Variants in RBFOX1 observed in about 807,000 individuals in gnomAD.
RBFOX1 encodes RNA binding protein fox-1 homolog 1.
Under a neutral mutation model 57.7 loss-of-function variants are expected in RBFOX1, and 8 were observed. The ratio of observed to expected loss-of-function variants is 0.14; its 90% CI spans 0.08 to 0.25. RBFOX1 has a LOEUF of 0.25. RBFOX1 is among the 10% of genes least tolerant of loss of function. The pLI is 1.00. For missense variants in RBFOX1, 611 were observed against 548.5 expected, an observed-to-expected ratio of 1.11 and a Z score of -1.14; for synonymous variants, 326 against 222.4, an observed-to-expected ratio of 1.47 and a Z score of -4.15.
rs150789227 is a variant in RBFOX1 at position 7,464,131 on chromosome 16, A to G, written c.28-54016A>G. Among the ~76,000 whole-genome samples, 47 of 152,220 alleles carry G rather than the reference A, an allele frequency of 3.1e-4. 1 individual carries two copies. The East Asian group carries it at 7.0e-3, about 23-fold the overall frequency. ...CATTGCCACTCCCTTCTGGTGCTCA[A>G]TGGCTCTGATTTCCTTAAGATAGGG... On this transcript the variant is annotated intron_variant, in intron 4 of 15. Transcript: ENST00000550418.
At chr16:6,846,467 C>T (rs1176767850) in intron 3 of RBFOX1, among the ~76,000 whole-genome samples, 2 of 152,112 alleles carry the variant, frequency 1.3e-5, no homozygotes, top group East Asian at 3.9e-4. Context: ...ACACCTGGGT[C>T]ATAATGAGGG....
At position 5,743,360 on chromosome 16, in the gene RBFOX1, T is replaced by C. The variant is rs563117045; in HGVS notation, c.319-123943T>C. On this transcript the variant is annotated intron_variant, in intron 3 of 19. Transcript: ENST00000641259. Reference sequence around the variant, plus strand: ...TCATTACAGGAAGTGTCAGCTAGAATCAGACATATCAGAGTTCTCTTAAAC... The same window carrying C: ...TCATTACAGGAAGTGTCAGCTAGAACCAGACATATCAGAGTTCTCTTAAAC... Among the ~76,000 whole-genome samples, 8 of 152,276 alleles carry C rather than the reference T, an allele frequency of 5.3e-5. No homozygotes were observed. The South Asian group carries it at 1.5e-3, about 28-fold the overall frequency.
At chr16:6,842,230 A>G (rs117108869) in intron 3 of RBFOX1, among the ~76,000 whole-genome samples, 1,599 of 152,254 alleles carry the variant, frequency 0.011, 14 homozygotes, top group Middle Eastern at 0.017. Flanking sequence ...TCTCAGCTGA[A>G]TAATACCTCT....
chr16:6,015,185 G>T (rs1567260023), upstream of RBFOX1, among the ~76,000 whole-genome samples: 1 of 151,996 alleles, frequency 6.6e-6, no homozygotes, highest in Admixed American at 6.6e-5. Flanking sequence ...TTAGATCTTA[G>T]ATTTTTTTAG....
chr16:6,459,032 G>C (rs2094843835), intron 2 of RBFOX1, among the ~76,000 whole-genome samples: 1 of 152,214 alleles, frequency 6.6e-6, no homozygotes, highest in African/African-American at 2.4e-5. Context: ...GGAAATTGAA[G>C]TTTTGAAATC....
intron 2 of RBFOX1, among the ~76,000 whole-genome samples, chr16:5,564,932 C>A (rs1276550932): frequency 6.6e-6 from 1 of 152,130 alleles, no homozygotes; most frequent in Non-Finnish European, 1.5e-5. Flanking sequence ...GCCTTGGCAG[C>A]CACGTGTAGT....
chr16:6,169,669 A>G (rs1351161684), intron 1 of RBFOX1, among the ~76,000 whole-genome samples: 1 of 152,240 alleles, frequency 6.6e-6, no homozygotes, highest in Non-Finnish European at 1.5e-5. Flanking sequence ...ATTTGAACAT[A>G]GTTTCAACAC....
chr16:7,008,129 G>GA lies in RBFOX1; in HGVS notation c.-15-43921dup, dbSNP rs1168029848. 5.9e-5 allele frequency among the ~76,000 whole-genome samples: 9 copies of GA among 152,144 alleles called. No homozygotes were observed. In the South Asian group the frequency reaches 1.7e-3, roughly 28 times the overall value. ...ATTGTTTCATGTACAAGTTCTCACT[G>GA]AAAAAAATATATATCCACAGCATAA... is the stretch of plus-strand genomic sequence containing the variant. On this transcript the variant is annotated intron_variant, in intron 3 of 15. Transcript: ENST00000550418.
chr16:6,671,932 A>C (rs749379302), intron 3 of RBFOX1, among the ~76,000 whole-genome samples: 2 of 152,240 alleles, frequency 1.3e-5, no homozygotes, highest in African/African-American at 4.8e-5. Flanking sequence ...AACTGTTGCG[A>C]CTACTAAGTA....
chr16:7,015,042 C>A (rs985402352), intron 3 of RBFOX1, among the ~76,000 whole-genome samples: 1 of 152,178 alleles, frequency 6.6e-6, no homozygotes, highest in Non-Finnish European at 1.5e-5. Context: ...AGGTTCTATG[C>A]TTCCTGAATG....
At chr16:6,649,055 C>T (rs1187120963) in intron 2 of RBFOX1, among the ~76,000 whole-genome samples, 1 of 152,088 alleles carries the variant, frequency 6.6e-6, no homozygotes, top group Non-Finnish European at 1.5e-5. Context: ...TAACTTATTC[C>T]TCCTGTCTCA....
At chr16:5,410,524 A>T (rs1368667483) in intron 1 of RBFOX1, among the ~76,000 whole-genome samples, 2 of 152,204 alleles carry the variant, frequency 1.3e-5, no homozygotes, top group South Asian at 4.1e-4. Context: ...TTGTAAAGTA[A>T]CTGGAATGGC....
intron 2 of RBFOX1, among the ~76,000 whole-genome samples, chr16:6,367,112 G>A (rs968220407): frequency 7.9e-5 from 12 of 152,256 alleles, no homozygotes; most frequent in African/African-American, 2.6e-4. Context: ...GTTCCACCTC[G>A]ATGCAGGTGA....
intron 2 of RBFOX1, among the ~76,000 whole-genome samples, chr16:6,507,822 GGGGGAAT>G (rs1191276235): frequency 5.3e-5 from 8 of 152,060 alleles, no homozygotes; most frequent in South Asian, 4.2e-4. Context: ...CTAGAAGGAG[GGGGGAAT>G]GGGGAATGGG....
chr16:6,995,033 G>T (rs1055727408), intron 3 of RBFOX1, among the ~76,000 whole-genome samples: 3 of 150,708 alleles, frequency 2.0e-5, no homozygotes, highest in African/African-American at 7.3e-5. Flanking sequence ...ATATGTGCCA[G>T]GTATTAGGCT....
At chr16:5,398,766 A>T (rs1467083868) in intron 1 of RBFOX1, among the ~76,000 whole-genome samples, 1 of 152,076 alleles carries the variant, frequency 6.6e-6, no homozygotes, top group East Asian at 1.9e-4. Context: ...GCGAGGGAAG[A>T]TATTTGGGAC....
At chr16:7,344,169 A>G (rs1298792717) in intron 4 of RBFOX1, among the ~76,000 whole-genome samples, 2 of 147,136 alleles carry the variant, frequency 1.4e-5, no homozygotes, top group African/African-American at 2.5e-5. Context: ...CTTCGGTAAA[A>G]TGGCCCATAT....
At chr16:7,575,634 C>T (rs1054315065) in intron 5 of RBFOX1, among the ~76,000 whole-genome samples, 1 of 152,090 alleles carries the variant, frequency 6.6e-6, no homozygotes, top group Non-Finnish European at 1.5e-5. Context: ...CTCCTGGCAC[C>T]TTGATTTTAG....
chr16:7,384,616 C>G (rs143044271), intron 4 of RBFOX1, among the ~76,000 whole-genome samples: 1 of 152,120 alleles, frequency 6.6e-6, no homozygotes, highest in Non-Finnish European at 1.5e-5. Flanking sequence ...ATGGAGTGAA[C>G]AGCTTTGCAG....
Sources: gnomAD v4.1 joint callset for allele counts (sites outside exome capture counted in the v4.1 genomes callset) on GRCh38, gnomAD v4.1.1 for gene constraint, MANE v1.5 for transcripts, NCBI Gene and HGNC (gene_info 2026-07-23, HGNC 2026-07-21) for gene names.